Variants in SUFU observed in about 807,000 individuals in gnomAD.
SUFU encodes the protein SUFU negative regulator of hedgehog signaling.
In SUFU, 7 loss-of-function variants were observed where a neutral mutation model predicts 58.9. The observed-to-expected ratio is 0.12, with a 90% confidence interval of 0.07 to 0.22. The LOEUF (loss-of-function observed/expected upper bound fraction) is 0.22, where lower values mean the gene tolerates loss of function less well. Among genes scored for constraint, SUFU ranks in the 10% least tolerant of loss-of-function variants. The pLI is 1.00. For missense variants in SUFU, 451 were observed against 641.3 expected (o/e 0.70, Z 3.20); for synonymous variants, 232 against 254.8 (o/e 0.91, Z 0.85).
At chr10:102,512,272 G>C (rs906110209) in intron 2 of SUFU, among the ~76,000 whole-genome samples, 1 of 152,204 alleles carries the variant, frequency 6.6e-6, no homozygotes, top group Non-Finnish European at 1.5e-5. Flanking sequence ...AGATAGAATA[G>C]CAAACAGATG....
At chr10:102,523,256 C>T (rs2062571799) in intron 2 of SUFU, among the ~76,000 whole-genome samples, 1 of 152,182 alleles carries the variant, frequency 6.6e-6, no homozygotes, top group South Asian at 2.1e-4. Flanking sequence ...AGCTTAGCCA[C>T]AGGAAGGCCA....
At chr10:102,547,647 A>C (rs1283384131) in intron 2 of SUFU, among the ~76,000 whole-genome samples, 1 of 152,096 alleles carries the variant, frequency 6.6e-6, no homozygotes, top group South Asian at 2.1e-4. Flanking sequence ...ATGTGTTGAG[A>C]CCTGTCTCTA....
At chr10:102,557,905 A>ATT (rs757378999) in intron 3 of SUFU, among the ~76,000 whole-genome samples, 3 of 143,374 alleles carry the variant, frequency 2.1e-5, no homozygotes, top group Non-Finnish European at 3.1e-5. Flanking sequence ...TTTTTTACTG[A>ATT]TTTTTTTTTT....
chr10:102,561,732 G>C (rs141070797), intron 3 of SUFU, among the ~76,000 whole-genome samples: 20 of 141,120 alleles, frequency 1.4e-4, no homozygotes, highest in African/African-American at 5.1e-4. Context: ...CCAGTGGTAC[G>C]ATTATGGCTC....
intron 2 of SUFU, among the ~76,000 whole-genome samples, chr10:102,520,292 A>C (rs2135665187): frequency 7.2e-6 from 1 of 139,692 alleles, no homozygotes; most frequent in South Asian, 2.2e-4. Context: ...ATCTCAGCTC[A>C]CTGCAGCCTC....
chr10:102,502,903 T>G (rs1007241221), upstream of SUFU, among the ~76,000 whole-genome samples: 2 of 152,240 alleles, frequency 1.3e-5, no homozygotes, highest in Non-Finnish European at 2.9e-5. Flanking sequence ...CTCCCTAGAT[T>G]AAACAGCCAG....
chr10:102,597,461 G>A (rs1286468802), intron 7 of SUFU, among the ~76,000 whole-genome samples, 168 bp downstream of exon 7: 2 of 152,234 alleles, frequency 1.3e-5, no homozygotes, highest in Non-Finnish European at 2.9e-5. Flanking sequence ...CGGAATTAAG[G>A]GAGCTTTATT....
intron 3 of SUFU, among the ~76,000 whole-genome samples, chr10:102,570,527 G>GT (rs1216603011): frequency 7.8e-6 from 1 of 128,148 alleles, no homozygotes; most frequent in African/African-American, 2.9e-5. Flanking sequence ...TAATGCTGGG[G>GT]TTTTTTTAGT....
chr10:102,540,630 A>G (rs975129485), intron 2 of SUFU, among the ~76,000 whole-genome samples: 2 of 151,498 alleles, frequency 1.3e-5, no homozygotes, highest in Non-Finnish European at 1.5e-5. Flanking sequence ...CAGCCTGGGC[A>G]ACAGAGCAAG....
intron 2 of SUFU, among the ~76,000 whole-genome samples, chr10:102,520,629 C>T (rs959305358): frequency 1.3e-5 from 2 of 152,188 alleles, no homozygotes; most frequent in African/African-American, 2.4e-5. Context: ...ATTCCTCCCT[C>T]CCCCGAAACC....
At chr10:102,627,151 A>G in intron 10 of SUFU, 24 bp from the exon 11 acceptor site, 1 of 1,613,036 alleles carries the variant, frequency 6.2e-7, no homozygotes, top group Non-Finnish European at 8.5e-7. Context: ...AATAATAATA[A>G]AAGCCTGCCT....
intron 8 of SUFU, among the ~76,000 whole-genome samples, chr10:102,603,277 T>G (rs2135898775): frequency 6.6e-6 from 1 of 152,280 alleles, no homozygotes; most frequent in Admixed American, 6.5e-5. Flanking sequence ...TCCTCCTACC[T>G]TGGCCTCCCA....
Position 102,615,372 on chromosome 10 carries a change from A to G in SUFU, c.1127A>G (p.Glu376Gly). 1 of 1,614,124 alleles carries G rather than the reference A, an allele frequency of 6.2e-7. No homozygotes were observed. The highest frequency in any genetic ancestry group is 8.5e-7 in the Non-Finnish European group (1 of 1,179,994). The change falls in exon 9 of 12, where the codon GAG becomes GGG. Residue 376 changes from glutamate to glycine, a missense_variant. Coordinates refer to ENST00000369902, the MANE Select transcript of SUFU (RefSeq NM_016169.4). The part of the protein sequence containing the change: ...LESVHLKFNQ[E>G]SGALIPLCLR... ...AGCGTACATCTGAAATTCAACCAGG[A>G]GTCCGGAGCCCTCATTCCTCTCTGC... is the stretch of plus-strand genomic sequence containing the variant.
intron 3 of SUFU, among the ~76,000 whole-genome samples, chr10:102,571,359 G>A (rs2063158468): frequency 6.6e-6 from 1 of 152,048 alleles, no homozygotes; most frequent in African/African-American, 2.4e-5. Context: ...AATTCTCTCT[G>A]GGTTAAAAGT....
chr10:102,573,550 C>G (rs1404892986), intron 3 of SUFU, among the ~76,000 whole-genome samples: 1 of 152,084 alleles, frequency 6.6e-6, no homozygotes, highest in Non-Finnish European at 1.5e-5. Context: ...TTCATAGCAT[C>G]CAAAAAGTGG....
chr10:102,561,762 G>A (rs1022593117), intron 3 of SUFU, among the ~76,000 whole-genome samples: 2 of 140,542 alleles, frequency 1.4e-5, no homozygotes, highest in Admixed American at 8.0e-5. Context: ...TTGACCTCCC[G>A]AGCTCAGTTG....
intron 8 of SUFU, among the ~76,000 whole-genome samples, chr10:102,604,569 G>A (rs936075472): frequency 6.6e-6 from 1 of 152,140 alleles, no homozygotes; most frequent in Non-Finnish European, 1.5e-5. Context: ...GATCCTCGGT[G>A]TCACCCAACA....
At position 102,592,730 on chromosome 10, in the gene SUFU, G is replaced by A. The variant is rs1038799345; in HGVS notation, c.597+6G>A. The A allele has an allele frequency of 1.2e-5, 19 of 1,613,696 alleles. No individual in the cohort carries two copies. The highest frequency in any genetic ancestry group is 4.0e-5 in the African/African-American group (3 of 74,934). ...GGGTAGTTACCTTCCTCCAGGTGAGGCACAGGTTGGACGCTGGCTCAAGCC... is the reference window on the plus strand; with the variant it reads ...GGGTAGTTACCTTCCTCCAGGTGAGACACAGGTTGGACGCTGGCTCAAGCC... On this transcript the variant is annotated splice_donor_region_variant and intron_variant, in intron 4 of 11. Coordinates refer to ENST00000369902, the MANE Select transcript of SUFU (RefSeq NM_016169.4).
chr10:102,555,552 T>A (rs889179783), intron 3 of SUFU, among the ~76,000 whole-genome samples: 2 of 152,202 alleles, frequency 1.3e-5, no homozygotes, highest in African/African-American at 4.8e-5. Flanking sequence ...GCTCCTTGGT[T>A]TTTTGTAGTT....
Sources: gnomAD v4.1 joint callset for allele counts (sites outside exome capture counted in the v4.1 genomes callset) on GRCh38, gnomAD v4.1.1 for gene constraint, MANE v1.5 for transcripts, NCBI Gene and HGNC (gene_info 2026-07-23, HGNC 2026-07-21) for gene names.